The following SYBU variants were observed in gnomAD, a reference collection of about 807,000 sequenced individuals.
The protein encoded by SYBU is GOLSYN A protein.
SYBU carries 21 observed loss-of-function variants against 35.9 expected under a neutral mutation model. The ratio of observed to expected loss-of-function variants is 0.58; its 90% confidence interval spans 0.41 to 0.84. SYBU has a LOEUF of 0.84. SYBU is among the 40% of genes least tolerant of loss of function. The pLI, the probability that SYBU is intolerant of heterozygous loss-of-function variation, is 0.00. For missense variants in SYBU, 768 were observed against 848.2 expected (o/e 0.91, Z 1.17); for synonymous variants, 319 against 324.3 (o/e 0.98, Z 0.18).
chr8:109,625,897 G>A (rs185502500), intron 2 of SYBU, among the ~76,000 whole-genome samples: 7 of 152,270 alleles, frequency 4.6e-5, no homozygotes, highest in East Asian at 1.9e-4. Flanking sequence ...CAAGAAGTTT[G>A]AGACAACTTA....
intron 6 of SYBU, among the ~76,000 whole-genome samples, chr8:109,577,144 T>A (rs904267218): frequency 6.6e-6 from 1 of 152,160 alleles, no homozygotes; most frequent in Non-Finnish European, 1.5e-5. Context: ...TTTCTTTATA[T>A]CTTTGTGGCA....
chr8:109,658,112 A>C (rs1308574587), intron 1 of SYBU, among the ~76,000 whole-genome samples: 1 of 152,192 alleles, frequency 6.6e-6, no homozygotes, highest in Non-Finnish European at 1.5e-5. Flanking sequence ...TGTAGCAAAC[A>C]CATTGTCCTT....
In SYBU at chr8:109,691,547, G is replaced by GCCCTCGGC; in HGVS notation, c.-280_-273dup. On this transcript the variant is annotated 5_prime_UTR_variant, in exon 1 of 8. Transcript: ENST00000422135. The surrounding 1 kb of genome is among the most constrained non-coding windows in gnomAD (Gnocchi z 4.7). The stretch of plus-strand genomic sequence containing the variant: ...GCCGCGGAATCCCTTGCGCTCCGGT[G>GCCCTCGGC]CCCTCGGCCCCTCGGCCTCTGCAGC... 1 of 460,898 alleles carries GCCCTCGGC rather than the reference G, an allele frequency of 2.2e-6. No individual in the cohort carries two copies. Among genetic ancestry groups the GCCCTCGGC allele is most frequent in the Middle Eastern group, 5.6e-4 (1 of 1,776 alleles). 28.6% of individuals were successfully genotyped at this position (460,898 alleles called of 1,614,324 possible).
At chr8:109,592,996 AATT>A (rs1824456832) in intron 3 of SYBU, among the ~76,000 whole-genome samples, 1 of 152,218 alleles carries the variant, frequency 6.6e-6, no homozygotes, top group South Asian at 2.1e-4. Flanking sequence ...CGAATCTTAA[AATT>A]ATTATTAATA....
intron 1 of SYBU, among the ~76,000 whole-genome samples, chr8:109,677,882 C>G (rs1817247374): frequency 6.6e-6 from 1 of 151,940 alleles, no homozygotes; most frequent in African/African-American, 2.4e-5. Flanking sequence ...CACCTGTAAT[C>G]CCAGCACTTT....
At chr8:109,617,831 T>C (rs879170500) in intron 3 of SYBU, among the ~76,000 whole-genome samples, 1 of 152,216 alleles carries the variant, frequency 6.6e-6, no homozygotes, top group African/African-American at 2.4e-5. Flanking sequence ...AATGACCTAA[T>C]CTTTGGTTGA....
intron 4 of SYBU, among the ~76,000 whole-genome samples, chr8:109,585,549 G>C (rs933424982): frequency 3.9e-5 from 6 of 152,122 alleles, no homozygotes; most frequent in Non-Finnish European, 7.4e-5. Flanking sequence ...TCTATGGGGT[G>C]GCCACCATGC....
rs1044355238 is a variant in SYBU at position 109,654,249 on chromosome 8, C to T, written c.-129+26462G>A. On this transcript the variant is annotated intron_variant, in intron 1 of 5. Transcript: ENST00000408889. ...AGAGTATATGTCTCACACTTCCCTG[C>T]TCCTTGAACCAATCCCTACTCCACT... Among the ~76,000 whole-genome samples, 13 of 152,162 alleles carry T rather than the reference C, an allele frequency of 8.5e-5. 2 individuals carry two copies. Among genetic ancestry groups the T allele is most frequent in the Admixed American group, 7.2e-4 (11 of 15,274 alleles).
In SYBU at chr8:109,661,318, C is replaced by T. The variant is rs1480316079; in HGVS notation, c.-129+19393G>A. The stretch of plus-strand genomic sequence containing the variant: ...AACTATTGGACATGTAAAAGAAATG[C>T]TAGGATTGAACTTTGTAAATAAAAA... On this transcript the variant is annotated intron_variant, in intron 1 of 5. Coordinates refer to the SYBU transcript ENST00000408889. Among the ~76,000 whole-genome samples the T allele has an allele frequency of 2.0e-5, 3 of 152,232 alleles. No individual in the cohort carries two copies. The East Asian group carries it at 5.8e-4, about 29-fold the overall frequency.
intron 1 of SYBU, among the ~76,000 whole-genome samples, chr8:109,669,215 A>G (rs1237826691): frequency 7.3e-5 from 11 of 151,714 alleles, no homozygotes; most frequent in Non-Finnish European, 1.5e-4. Flanking sequence ...GGTGGCAGGC[A>G]CCTGTAGTCC....
At chr8:109,643,124 AC>A (rs1327860615) in intron 1 of SYBU, 192 bp from the exon 2 acceptor site, 2 of 1,319,386 alleles carry the variant, frequency 1.5e-6, no homozygotes, top group East Asian at 3.0e-5. Flanking sequence ...TTTCTAATCT[AC>A]TGAATAGCAC....
Position 109,643,147 on chromosome 8 carries a change from G to GCGCACA in SYBU, c.25-216_25-215insTGTGCG, listed in dbSNP as rs1405938821. ...CTACTGAATAGCACATGTCTGTGTG[G>GCGCACA]CACACACACACACACACACACACAC... On this transcript the variant is annotated intron_variant, in intron 1 of 6. Coordinates refer to ENST00000276646, the MANE Select transcript of SYBU (RefSeq NM_001099754.2). 3 of 1,142,196 alleles carry GCGCACA rather than the reference G, an allele frequency of 2.6e-6. No individual in the cohort carries two copies. The African/African-American group carries it at 4.9e-5, about 19-fold the overall frequency. The allele number at this position is 1,142,196 out of a possible 1,614,324, so 70.8% of individuals were successfully genotyped here.
chr8:109,604,778 T>G (rs1182366809), intron 3 of SYBU, among the ~76,000 whole-genome samples: 1 of 152,186 alleles, frequency 6.6e-6, no homozygotes, highest in African/African-American at 2.4e-5. Context: ...TTTCACTTCT[T>G]CCTCTAACGA....
At chr8:109,617,654 C>G (rs1361037443) in intron 3 of SYBU, among the ~76,000 whole-genome samples, 1 of 152,204 alleles carries the variant, frequency 6.6e-6, no homozygotes, top group East Asian at 1.9e-4. Flanking sequence ...CCCCATCTTT[C>G]TCATTTATAG....
intron 2 of SYBU, among the ~76,000 whole-genome samples, chr8:109,622,181 G>GTATCTATCTATCTATC (rs33965004): frequency 1.9e-4 from 28 of 146,478 alleles, no homozygotes; most frequent in South Asian, 4.5e-4. Context: ...AATAATATGA[G>GTATCTATCTATCTATC]TATCTATCTA....
chr8:109,620,030 G>A (rs1437176127), intron 2 of SYBU, among the ~76,000 whole-genome samples: 4 of 152,196 alleles, frequency 2.6e-5, no homozygotes, highest in African/African-American at 9.7e-5. Context: ...CTACATAGAT[G>A]CTTATTATGG....
At chr8:109,624,963 G>T (rs1812824181) in intron 2 of SYBU, among the ~76,000 whole-genome samples, 1 of 152,066 alleles carries the variant, frequency 6.6e-6, no homozygotes, top group South Asian at 2.1e-4. Flanking sequence ...TTGCTATCTG[G>T]CGCTTTATAG....
intron 3 of SYBU, among the ~76,000 whole-genome samples, chr8:109,610,820 C>T (rs1202981776): frequency 6.6e-6 from 1 of 152,204 alleles, no homozygotes; most frequent in African/African-American, 2.4e-5. Flanking sequence ...AGTTCCTTCA[C>T]AGGTGGCCTT....
At chr8:109,580,034 C>T (rs555733759) in intron 4 of SYBU, 32 bp from the exon 5 acceptor site, 30 of 1,602,522 alleles carry the variant, frequency 1.9e-5, no homozygotes, top group Non-Finnish European at 2.4e-5. Context: ...TGTTAAAATT[C>T]TTGGGGCTAC....
Sources: gnomAD v4.1 joint callset for allele counts (sites outside exome capture counted in the v4.1 genomes callset) on GRCh38, gnomAD v4.1.1 for gene constraint, Gnocchi (gnomAD v3.1) non-coding constraint, MANE v1.5 for transcripts, NCBI Gene and HGNC (gene_info 2026-07-23, HGNC 2026-07-21) for gene names.